The following SHLD1 variants were observed in gnomAD, a reference collection of about 807,000 sequenced individuals.
SHLD1 encodes RINN1-REV7-interacting novel NHEJ regulator 3.
SHLD1 carries 3 observed loss-of-function variants against 5.5 expected under a neutral mutation model. That is an observed-to-expected ratio of 0.54 (90% confidence interval 0.25 to 1.40). The LOEUF is 1.40. SHLD1 is among the 40% of genes most tolerant of loss of function. SHLD1 has a pLI of 0.15. For missense variants in SHLD1, 210 were observed against 244.4 expected (o/e 0.86, Z 0.94); for synonymous variants, 92 against 94.3 (o/e 0.98, Z 0.14).
chr20:5,795,283 G>C (rs953563063), intron 2 of SHLD1, among the ~76,000 whole-genome samples: 5 of 150,966 alleles, frequency 3.3e-5, no homozygotes, highest in South Asian at 2.1e-4. Flanking sequence ...ACACACACAC[G>C]CAAAACCAAA....
rs1410801030 is a variant in SHLD1, at chr20:5,764,164, A to ATTT, written c.-4-8697_-4-8696insTTT. Among the ~76,000 whole-genome samples, 112 of 95,064 alleles carry ATTT rather than the reference A, an allele frequency of 1.2e-3. 1 individual carries two copies. Among genetic ancestry groups the ATTT allele is most frequent in the African/African-American group, 3.6e-3 (85 of 23,480 alleles). 62.4% of individuals were successfully genotyped at this position (95,064 alleles called of 152,430 possible). A position where few individuals can be genotyped will look rare whatever the true frequency, so the allele number is the denominator to read the frequency against. On this transcript the variant is annotated intron_variant, in intron 1 of 2. Coordinates refer to ENST00000303142, the MANE Select transcript of SHLD1 (RefSeq NM_152504.4). ...AATATATATATATTTATATTTATAT[A>ATTT]TATATATATATTTTTATATATATAT...
intron 2 of SHLD1, among the ~76,000 whole-genome samples, chr20:5,790,447 A>T (rs930104814): frequency 3.2e-5 from 4 of 126,324 alleles, no homozygotes; most frequent in East Asian, 2.6e-4. Flanking sequence ...AACATAAAGG[A>T]TTTCTTTTTT....
In SHLD1 at chr20:5,863,244, A is replaced by T; in HGVS notation, c.399A>T (p.Arg133Ser). The stretch of plus-strand genomic sequence containing the variant: ...TGTCTCAGAAAATCACTCAACTAAG[A>T]GGCCAGGAGAGCCAAAAGTATGCCC... ...KCLSQKITQL[R>S]GQESQKYALR... The change falls in exon 3 of 3, where the codon AGA becomes AGT. Residue 133 changes from arginine to serine, a missense_variant. Arg to Ser is a moderately radical substitution (Grantham distance 110, BLOSUM62 -1). Transcript: ENST00000303142. 1 of 1,614,158 alleles carries T rather than the reference A, an allele frequency of 6.2e-7. No individual in the cohort carries two copies. The highest frequency in any genetic ancestry group is 8.5e-7 in the Non-Finnish European group (1 of 1,180,020).
At chr20:5,791,320 T>C (rs2087136027) in intron 2 of SHLD1, among the ~76,000 whole-genome samples, 1 of 151,692 alleles carries the variant, frequency 6.6e-6, no homozygotes, top group Non-Finnish European at 1.5e-5. Context: ...ATCCTAGCAC[T>C]CTGGGAGGCT....
chr20:5,765,513 G>T (rs1396900542), intron 1 of SHLD1, among the ~76,000 whole-genome samples: 1 of 152,072 alleles, frequency 6.6e-6, no homozygotes, highest in Non-Finnish European at 1.5e-5. Context: ...CTCCCAAAGT[G>T]CTGGGATTAC....
chr20:5,801,228 C>A (rs1009385575), intron 2 of SHLD1, among the ~76,000 whole-genome samples: 6 of 152,116 alleles, frequency 3.9e-5, no homozygotes, highest in Non-Finnish European at 8.8e-5. Context: ...CAGGCGTGTG[C>A]CACCAGGCCA....
At chr20:5,825,119 G>A (rs922572425) in intron 2 of SHLD1, among the ~76,000 whole-genome samples, 20 of 152,170 alleles carry the variant, frequency 1.3e-4, no homozygotes, top group African/African-American at 3.9e-4. Flanking sequence ...AAGTGTCGTC[G>A]GCTGACTGCC....
chr20:5,763,882 G>A (rs943926863), intron 1 of SHLD1, among the ~76,000 whole-genome samples: 1 of 149,618 alleles, frequency 6.7e-6, no homozygotes. Flanking sequence ...GCTGAGGTGG[G>A]TGGATCACTT....
chr20:5,804,972 C>G (rs1261935344), intron 2 of SHLD1, among the ~76,000 whole-genome samples: 1 of 152,158 alleles, frequency 6.6e-6, no homozygotes, highest in Non-Finnish European at 1.5e-5. Context: ...CCACAGTGAT[C>G]AGCTGAAGGA....
rs566898736 is a variant in SHLD1, at chr20:5,784,285, G to T, written c.178+11242G>T. 4.6e-5 allele frequency among the ~76,000 whole-genome samples: 7 copies of T among 152,044 alleles called. No homozygotes were observed. In the East Asian group the frequency reaches 1.2e-3, roughly 25 times the overall value. On this transcript the variant is annotated intron_variant, in intron 2 of 2. Transcript: ENST00000303142. Reference sequence around the variant, plus strand: ...GTAACCTGGCAACTCCTATTTTCTGGGTGACCCTCTGTGCAGACTAACTGT... The same window carrying T: ...GTAACCTGGCAACTCCTATTTTCTGTGTGACCCTCTGTGCAGACTAACTGT...
intron 1 of SHLD1, among the ~76,000 whole-genome samples, chr20:5,757,257 A>G (rs1208712035): frequency 2.0e-5 from 3 of 151,610 alleles, no homozygotes; most frequent in Non-Finnish European, 4.4e-5. Context: ...TTGTATTTTT[A>G]GTAGAGATGG....
In SHLD1 at chr20:5,775,923, A is replaced by ATTTTTTTTTTTTTTTTTTTTTTTTTTTT. The variant is rs533313849; in HGVS notation, c.178+2902_178+2903insTTTTTTTTTTTTTTTTTTTTTTTTTTTT. ...TGCAGTACTGCCTGGTCAGCTCAGG[A>ATTTTTTTTTTTTTTTTTTTTTTTTTTTT]TTTTTTTTTTTTTTTTTTTTTTGAG... On this transcript the variant is annotated intron_variant, in intron 2 of 2. Transcript: ENST00000303142. Among the ~76,000 whole-genome samples the ATTTTTTTTTTTTTTTTTTTTTTTTTTTT allele has an allele frequency of 6.4e-5, 5 of 77,686 alleles. 1 individual carries two copies. The highest frequency in any genetic ancestry group is 1.2e-4 in the African/African-American group (2 of 16,798). The allele number at this position is 77,686 out of a possible 152,430, so 51.0% of individuals were successfully genotyped here.
intron 2 of SHLD1, among the ~76,000 whole-genome samples, chr20:5,835,825 A>T (rs1474700067): frequency 1.3e-5 from 2 of 152,248 alleles, no homozygotes; most frequent in African/African-American, 4.8e-5. Context: ...GTTATACAGG[A>T]AAAGTTGCAG....
chr20:5,846,000 A>T (rs1023064286), intron 2 of SHLD1, among the ~76,000 whole-genome samples: 2 of 152,212 alleles, frequency 1.3e-5, no homozygotes, highest in Non-Finnish European at 2.9e-5. Context: ...TCGACTTGAT[A>T]TGGAATGAAA....
chr20:5,853,829 G>C (rs1301855036), intron 2 of SHLD1, among the ~76,000 whole-genome samples: 2 of 151,088 alleles, frequency 1.3e-5, no homozygotes, highest in African/African-American at 4.9e-5. Context: ...TAATAGCAGA[G>C]TCTCCACGTC....
chr20:5,814,990 G>A (rs1568516098), intron 2 of SHLD1, among the ~76,000 whole-genome samples: 1 of 152,114 alleles, frequency 6.6e-6, no homozygotes, highest in Admixed American at 6.6e-5. Context: ...AACACCAGAG[G>A]ATTGGAAGGA....
intron 2 of SHLD1, among the ~76,000 whole-genome samples, chr20:5,818,702 G>A (rs145740960): frequency 4.6e-5 from 7 of 152,256 alleles, no homozygotes; most frequent in African/African-American, 7.2e-5. Flanking sequence ...GTAATGAGGC[G>A]TGAATGAGGT....
intron 2 of SHLD1, among the ~76,000 whole-genome samples, chr20:5,833,025 A>G (rs553935857): frequency 1.4e-4 from 22 of 152,016 alleles, no homozygotes; most frequent in African/African-American, 5.1e-4. Flanking sequence ...CCAGTGTTGC[A>G]TGGCTGACGT....
intron 2 of SHLD1, among the ~76,000 whole-genome samples, chr20:5,784,652 G>T (rs549950033): frequency 2.0e-5 from 3 of 151,830 alleles, no homozygotes; most frequent in Admixed American, 2.0e-4. Context: ...GGGTTTCACC[G>T]TGTTAGCCAG....
Sources: allele counts gnomAD v4.1 joint callset (sites outside exome capture counted in the v4.1 genomes callset), GRCh38; gene constraint gnomAD v4.1.1; transcripts MANE v1.5; gene names NCBI Gene and HGNC (gene_info 2026-07-23, HGNC 2026-07-21).